VIL1: variants seen among roughly 807,000 people sequenced by gnomAD.
VIL1 encodes the protein villin 1, also known as villin-1.
VIL1 carries 86 observed loss-of-function variants against 104.0 expected under a neutral mutation model. The observed-to-expected ratio is 0.83, with a 90% CI of 0.69 to 0.99. The LOEUF (loss-of-function observed/expected upper bound fraction) is 0.99, where lower values mean the gene tolerates loss of function less well. Ranked by LOEUF, VIL1 falls within the 50% of genes least tolerant of loss-of-function variation. The pLI is 0.00. For synonymous variants in VIL1, 394 were observed against 412.6 expected, an observed-to-expected ratio of 0.95 and a Z score of 0.55; for missense variants, 944 against 1,054.1, an observed-to-expected ratio of 0.90 and a Z score of 1.45.
intron 19 of VIL1, among the ~76,000 whole-genome samples, chr2:218,445,126 C>T (rs927719790): frequency 9.9e-5 from 15 of 152,148 alleles, no homozygotes; most frequent in Admixed American, 4.6e-4. Flanking sequence ...CAGCCGAGTG[C>T]GGTGGCTCAT....
chr2:218,449,698 A>G lies in VIL1; in HGVS notation c.*362A>G, dbSNP rs1019951818. ...TTGTCCTCTATCATGACTCATTTTTATCTATGGCAGGTAGGCTGAAGCACT... is the reference window on the plus strand; with the variant it reads ...TTGTCCTCTATCATGACTCATTTTTGTCTATGGCAGGTAGGCTGAAGCACT... On this transcript the variant is annotated 3_prime_UTR_variant, in exon 20 of 20. Transcript: ENST00000248444. 1.8e-4 allele frequency: 32 copies of G among 181,998 alleles called. No individual in the cohort carries two copies. The highest frequency in any genetic ancestry group is 6.1e-4 in the African/African-American group (26 of 42,740). The allele number at this position is 181,998 out of a possible 1,614,324, so 11.3% of individuals were successfully genotyped here. A position where few individuals can be genotyped will look rare whatever the true frequency, so the allele number is the denominator to read the frequency against.
Position 218,436,571 on chromosome 2 carries a change from T to C in VIL1, c.1916T>C (p.Phe639Ser), listed in dbSNP as rs758400764. 5.0e-6 allele frequency: 8 copies of C among 1,613,878 alleles called. No individual in the cohort carries two copies. The Admixed American group carries it at 1.3e-4, about 27-fold the overall frequency. Reference sequence around the variant, plus strand: ...TTCCTGGCCACAGAGATCCCTGACTTCAATCAGGATGACTTGGAAGAGGAT... The same window carrying C: ...TTCCTGGCCACAGAGATCCCTGACTCCAATCAGGATGACTTGGAAGAGGAT... ...GRFLATEIPD[F>S]NQDDLEEDDV... The change falls in exon 16 of 20, where the codon TTC becomes TCC. Residue 639 changes from phenylalanine (F) to serine (S), a missense_variant. By Grantham distance (155) the Phe-to-Ser change is radical (BLOSUM62 -2). Coordinates refer to ENST00000248444, the MANE Select transcript of VIL1 (RefSeq NM_007127.3).
chr2:218,428,340 A>C lies in VIL1; in HGVS notation c.567+3A>C. 2 of 1,613,104 alleles carry C rather than the reference A, an allele frequency of 1.2e-6. No individual in the cohort carries two copies. The highest frequency in any genetic ancestry group is 1.7e-6 in the Non-Finnish European group (2 of 1,179,090). ...GCACCCGTATGGAGAGACTCAGGGT[A>C]AACCTGCCCATGCACCACACCTCCC... is the stretch of plus-strand genomic sequence containing the variant. On this transcript the variant is annotated splice_donor_region_variant and intron_variant, in intron 6 of 19. Coordinates refer to ENST00000248444, the MANE Select transcript of VIL1 (RefSeq NM_007127.3).
At chr2:218,442,958 G>A (rs1689307197) in intron 19 of VIL1, among the ~76,000 whole-genome samples, 1 of 152,122 alleles carries the variant, frequency 6.6e-6, no homozygotes, top group Non-Finnish European at 1.5e-5. Context: ...GAGGCACATG[G>A]GTCCTCACTG....
At position 218,449,317 on chromosome 2, in the gene VIL1, A is replaced by C; in HGVS notation, c.2465A>C (p.Lys822Thr). 1 of 1,613,434 alleles carries C rather than the reference A, an allele frequency of 6.2e-7. No individual in the cohort carries two copies. Among genetic ancestry groups the C allele is most frequent in the Non-Finnish European group, 8.5e-7 (1 of 1,179,460 alleles). The change falls in exon 20 of 20, where the codon AAA becomes ACA. Residue 822 changes from lysine (K) to threonine (T), a missense_variant. By Grantham distance (78) the Lys-to-Thr change is moderately conservative (BLOSUM62 -1). Coordinates refer to ENST00000248444, the MANE Select transcript of VIL1 (RefSeq NM_007127.3). ...CGATGGAAGCAACAAAACCTCAAGAAAGAAAAAGGACTATTTTGAGAAGAG... is the reference window on the plus strand; with the variant it reads ...CGATGGAAGCAACAAAACCTCAAGACAGAAAAAGGACTATTTTGAGAAGAG... ...LPRWKQQNLK[K>T]EKGLF
At chr2:218,426,040 A>G (rs993562171) in intron 4 of VIL1, among the ~76,000 whole-genome samples, 1 of 152,044 alleles carries the variant, frequency 6.6e-6, no homozygotes, top group East Asian at 1.9e-4. Flanking sequence ...TCCACTCCCT[A>G]ACTCTTATTT....
rs1689513655 is a variant in VIL1 at position 218,452,521 on chromosome 2, A to G, written c.*3185A>G. 6.6e-6 allele frequency: 1 copy of G among 152,184 alleles called. No individual in the cohort carries two copies. Among genetic ancestry groups the G allele is most frequent in the East Asian group, 1.9e-4 (1 of 5,202 alleles). 9.4% of individuals were successfully genotyped at this position (152,184 alleles called of 1,614,324 possible). A position where few individuals can be genotyped will look rare whatever the true frequency, so the allele number is the denominator to read the frequency against. The stretch of plus-strand genomic sequence containing the variant: ...GAAGGAGAAGGCTGATAGGGCCACA[A>G]GAATGGACAGACATCAAGTAAAATT... On this transcript the variant is annotated 3_prime_UTR_variant, in exon 20 of 20. Transcript: ENST00000248444.
At chr2:218,431,195 T>C (rs1689092531) in intron 10 of VIL1, 1 of 496,850 alleles carries the variant, frequency 2.0e-6, no homozygotes, top group East Asian at 3.4e-5. Flanking sequence ...AAAAAAGAAC[T>C]AATAAATTAG....
chr2:218,420,493 G>A (rs1379745545), intron 1 of VIL1, among the ~76,000 whole-genome samples: 2 of 149,178 alleles, frequency 1.3e-5, no homozygotes, highest in African/African-American at 2.5e-5. Context: ...TGGACCTGCA[G>A]ACAGTGGGAG....
intron 6 of VIL1, 138 bp from the exon 7 acceptor site, chr2:218,429,147 G>C: frequency 1.0e-6 from 1 of 997,184 alleles, no homozygotes; most frequent in Non-Finnish European, 1.5e-6. Flanking sequence ...TGACCCCTCC[G>C]ACGGGGAAAA....
rs773087299 is a variant in VIL1 at position 218,423,864 on chromosome 2, G to T, written c.75+11G>T. Reference sequence around the variant, plus strand: ...ATATGGAGGATCGAGGTGAGGCCCTGTCTGGGCATGGGGGCTGCTCAGGCC... The same window carrying T: ...ATATGGAGGATCGAGGTGAGGCCCTTTCTGGGCATGGGGGCTGCTCAGGCC... On this transcript the variant is annotated intron_variant, in intron 2 of 19. Transcript: ENST00000248444. 1 of 1,614,164 alleles carries T rather than the reference G, an allele frequency of 6.2e-7. No individual in the cohort carries two copies. Among genetic ancestry groups the T allele is most frequent in the East Asian group, 2.2e-5 (1 of 44,884 alleles).
At chr2:218,434,407 G>GC in intron 13 of VIL1, 119 bp from the exon 14 acceptor site, 1 of 975,812 alleles carries the variant, frequency 1.0e-6, no homozygotes, top group Non-Finnish European at 1.5e-6. Context: ...TGGTGACGGA[G>GC]CATCAGAGGA....
rs1351939349 is a variant in VIL1, at chr2:218,430,705, G to A, written c.949-20G>A. On this transcript the variant is annotated intron_variant, in intron 9 of 19. Coordinates refer to ENST00000248444, the MANE Select transcript of VIL1 (RefSeq NM_007127.3). ...GACTAGGGGAGGTGCATAGCTTCCAGCCACCCCTTTCTCTTCCAGAACTTC... is the reference window on the plus strand; with the variant it reads ...GACTAGGGGAGGTGCATAGCTTCCAACCACCCCTTTCTCTTCCAGAACTTC... The A allele has an allele frequency of 6.4e-7, 1 of 1,563,206 alleles. No individual in the cohort carries two copies. Among genetic ancestry groups the A allele is most frequent in the South Asian group, 1.2e-5 (1 of 82,352 alleles).
intron 4 of VIL1, among the ~76,000 whole-genome samples, chr2:218,426,395 C>T (rs1397017433): frequency 2.6e-5 from 4 of 152,060 alleles, no homozygotes; most frequent in Non-Finnish European, 2.9e-5. Context: ...GCTGGGATTA[C>T]AGGCACACAC....
intron 5 of VIL1, 68 bp downstream of exon 5, chr2:218,428,141 G>A (rs868365079): frequency 3.1e-6 from 5 of 1,598,202 alleles, no homozygotes; most frequent in Admixed American, 1.7e-5. Flanking sequence ...GGGCTGAGGA[G>A]GGGTGAGGGG....
chr2:218,430,268 C>G (rs1379200703), intron 9 of VIL1, among the ~76,000 whole-genome samples: 1 of 152,114 alleles, frequency 6.6e-6, no homozygotes, highest in African/African-American at 2.4e-5. Flanking sequence ...TGGAGGGAGG[C>G]TGGCTTCCTA....
At chr2:218,431,995 G>A in intron 11 of VIL1, 38 bp downstream of exon 11, 1 of 1,614,092 alleles carries the variant, frequency 6.2e-7, no homozygotes, top group East Asian at 2.2e-5. Context: ...GGGTGGAGCA[G>A]GAATGGTGGA....
In VIL1 at chr2:218,452,361, G is replaced by A. The variant is rs893638655; in HGVS notation, c.*3025G>A. On this transcript the variant is annotated 3_prime_UTR_variant, in exon 20 of 20. Coordinates refer to ENST00000248444, the MANE Select transcript of VIL1 (RefSeq NM_007127.3). ...CAATTCTGGGCAAACTGATCACAAT[G>A]TGCAAAAAATAATATATTATCTATT... 1 of 152,072 alleles carries A rather than the reference G, an allele frequency of 6.6e-6. No homozygotes were observed. Among genetic ancestry groups the A allele is most frequent in the Non-Finnish European group, 1.5e-5 (1 of 67,996 alleles). 9.4% of individuals were successfully genotyped at this position (152,072 alleles called of 1,614,324 possible).
At chr2:218,443,088 A>G (rs1416194780) in intron 19 of VIL1, among the ~76,000 whole-genome samples, 4 of 152,182 alleles carry the variant, frequency 2.6e-5, no homozygotes, top group Non-Finnish European at 4.4e-5. Flanking sequence ...AAGTCCAGAG[A>G]GATGAAGTGA....
Sources: allele counts gnomAD v4.1 joint callset (sites outside exome capture counted in the v4.1 genomes callset), GRCh38; gene constraint gnomAD v4.1.1; transcripts MANE v1.5; gene names NCBI Gene and HGNC (gene_info 2026-07-23, HGNC 2026-07-21).